DTX1: variants seen among roughly 807,000 people sequenced by gnomAD.
DTX1 encodes the protein deltex E3 ubiquitin ligase 1.
DTX1 carries 26 observed loss-of-function variants against 57.8 expected under a neutral mutation model. The observed-to-expected ratio is 0.45, with a 90% confidence interval of 0.33 to 0.62. The LOEUF (loss-of-function observed/expected upper bound fraction) is 0.62, where lower values mean the gene tolerates loss of function less well. DTX1 is among the 20% of genes least tolerant of loss of function. DTX1 has a pLI of 0.02. For synonymous variants in DTX1, 398 were observed against 394.1 expected, an observed-to-expected ratio of 1.01 and a Z score of -0.12; for missense variants, 704 against 895.3, an observed-to-expected ratio of 0.79 and a Z score of 2.73.
At position 113,057,649 on chromosome 12, in the gene DTX1, C is replaced by G. The variant is rs1029196783; in HGVS notation, c.-544C>G. ...AACAAGGGGGCAGGGACGCCCCCTTCGGCAGGAGCCGTCGGAGAAGGGGGC... is the reference window on the plus strand; with the variant it reads ...AACAAGGGGGCAGGGACGCCCCCTTGGGCAGGAGCCGTCGGAGAAGGGGGC... On this transcript the variant is annotated 5_prime_UTR_variant, in exon 2 of 10. Transcript: ENST00000548759. The G allele has an allele frequency of 6.4e-6, 1 of 155,664 alleles. No individual in the cohort carries two copies. The highest frequency in any genetic ancestry group is 2.4e-5 in the African/African-American group (1 of 41,472). The allele number at this position is 155,664 out of a possible 1,614,324, so 9.6% of individuals were successfully genotyped here. A position where few individuals can be genotyped will look rare whatever the true frequency, so the allele number is the denominator to read the frequency against.
intron 3 of DTX1, among the ~76,000 whole-genome samples, chr12:113,089,582 G>A (rs377153937): frequency 7.4e-4 from 112 of 152,310 alleles, no homozygotes; most frequent in African/African-American, 2.5e-3. Flanking sequence ...AGGAAACAGC[G>A]TGTCCCACAT....
chr12:113,095,346 G>T lies in DTX1; in HGVS notation c.1570G>T (p.Gly524Trp). ...GCAGGGCCCTGAGCACCCCAACCCC[G>T]GGAAGAAGTTCACCGCAAGAGGATT... ...GIQGPEHPNP[G>W]KKFTARGFPR... The change falls in exon 9 of 10, where the codon GGG becomes TGG. Residue 524 changes from glycine to tryptophan, a missense_variant. Coordinates refer to ENST00000548759, the MANE Select transcript of DTX1 (RefSeq NM_004416.3). The T allele has an allele frequency of 6.2e-7, 1 of 1,614,110 alleles. No homozygotes were observed. Among genetic ancestry groups the T allele is most frequent in the Non-Finnish European group, 8.5e-7 (1 of 1,180,026 alleles).
At chr12:113,090,914 A>C (rs993594764) in intron 3 of DTX1, among the ~76,000 whole-genome samples, 1 of 152,178 alleles carries the variant, frequency 6.6e-6, no homozygotes, top group Non-Finnish European at 1.5e-5. Context: ...GTGTGCAGTG[A>C]GTCAGCGTGT....
At chr12:113,092,470 T>C (rs1188245920) in intron 3 of DTX1, among the ~76,000 whole-genome samples, 1 of 152,038 alleles carries the variant, frequency 6.6e-6, no homozygotes, top group Non-Finnish European at 1.5e-5. Context: ...AAGCCAAAGC[T>C]CTTTTGAGGG....
rs1247083344 is a variant in DTX1 at position 113,077,917 on chromosome 12, C to G, written c.753C>G (p.Ala251=). 1 of 1,191,252 alleles carries G rather than the reference C, an allele frequency of 8.4e-7. No homozygotes were observed. The highest frequency in any genetic ancestry group is 1.0e-6 in the Non-Finnish European group (1 of 965,218). 73.8% of individuals were successfully genotyped at this position (1,191,252 alleles called of 1,614,324 possible). The change falls in exon 3 of 10, where the codon GCC becomes GCG. Residue 251 remains alanine (A), a synonymous_variant. Transcript: ENST00000548759. This position sits in a 1 kb window ranked among gnomAD's most constrained non-coding sequence, Gnocchi z 7.8. ...GCGCGCTTGCCGTGCGCCCCAGCGC[C>G]ACCTTCACAGGCGCCGCGCTCTGGG... The part of the protein sequence containing the change: ...PPGALAVRPS[A]TFTGAALWAA...
intron 2 of DTX1, among the ~76,000 whole-genome samples, chr12:113,073,533 C>T (rs1222166347): frequency 6.6e-6 from 1 of 152,174 alleles, no homozygotes; most frequent in Non-Finnish European, 1.5e-5. Flanking sequence ...CCAACCTCTC[C>T]ACCTCTTCAA....
rs1353630847 is a variant in DTX1, at chr12:113,077,946, C to T, written c.782C>T (p.Ala261Val). 1.3e-4 allele frequency: 134 copies of T among 1,025,360 alleles called. No individual in the cohort carries two copies. The highest frequency in any genetic ancestry group is 1.5e-4 in the Non-Finnish European group (132 of 858,228). 63.5% of individuals were successfully genotyped at this position (1,025,360 alleles called of 1,614,324 possible). A position where few individuals can be genotyped will look rare whatever the true frequency, so the allele number is the denominator to read the frequency against. ...TTCACAGGCGCCGCGCTCTGGGCAG[C>T]GCCCGCCGCCGGCCCCGCCGAGCCC... ...ATFTGAALWA[A>V]PAAGPAEPAP... The change falls in exon 3 of 10, where the codon GCG becomes GTG. Residue 261 changes from alanine (A) to valine (V), a missense_variant. This residue lies in a region of DTX1 where 299 missense variants were observed against 311.2 expected (regional missense o/e 0.96). Transcript: ENST00000548759. The surrounding 1 kb of genome is among the most constrained non-coding windows in gnomAD (Gnocchi z 7.8).
At chr12:113,086,263 A>AG (rs2044856472) in intron 3 of DTX1, among the ~76,000 whole-genome samples, 1 of 149,576 alleles carries the variant, frequency 6.7e-6, no homozygotes. Flanking sequence ...TGTATCAAGA[A>AG]AAAAAAAAAA....
chr12:113,058,605 C>T (rs534937768), intron 2 of DTX1, among the ~76,000 whole-genome samples, 154 bp downstream of exon 2: 1 of 152,346 alleles, frequency 6.6e-6, no homozygotes, highest in East Asian at 1.9e-4. Context: ...TAACCTTGTC[C>T]AGTTTAAGAC....
chr12:113,087,034 T>G (rs1306388595), intron 3 of DTX1, among the ~76,000 whole-genome samples: 2 of 142,672 alleles, frequency 1.4e-5, no homozygotes, highest in African/African-American at 2.6e-5. Flanking sequence ...TGCCCTCCCC[T>G]CCCCTACCTG....
chr12:113,074,919 C>G (rs1381055884), intron 2 of DTX1, among the ~76,000 whole-genome samples: 1 of 152,030 alleles, frequency 6.6e-6, no homozygotes, highest in Non-Finnish European at 1.5e-5. Context: ...CCAGGAATTG[C>G]TATGTGAAGA....
Position 113,056,959 on chromosome 12 carries a change from G to C in DTX1, c.-745+15G>C, listed in dbSNP as rs1289306527. ...GAAGAGAGGCGGTGAGAACGCGGGT[G>C]CTTAGGGACCCCACCCCCGGCTCCC... On this transcript the variant is annotated intron_variant, in intron 1 of 9. Transcript: ENST00000548759. The C allele has an allele frequency of 6.6e-6, 1 of 152,462 alleles. No homozygotes were observed. Among genetic ancestry groups the C allele is most frequent in the East Asian group, 1.9e-4 (1 of 5,196 alleles). The allele number at this position is 152,462 out of a possible 1,614,324, so 9.4% of individuals were successfully genotyped here. A position where few individuals can be genotyped will look rare whatever the true frequency, so the allele number is the denominator to read the frequency against.
In DTX1 at chr12:113,094,780, C is replaced by T. The variant is rs1950274206; in HGVS notation, c.1228-9C>T. On this transcript the variant is annotated splice_polypyrimidine_tract_variant and intron_variant, in intron 6 of 9. Coordinates refer to ENST00000548759, the MANE Select transcript of DTX1 (RefSeq NM_004416.3). ...CCCAGTCCTCAGTCTCCCCTGCTGCCACCTGCAGGACTGCACCATCTGCAT... is the reference window on the plus strand; with the variant it reads ...CCCAGTCCTCAGTCTCCCCTGCTGCTACCTGCAGGACTGCACCATCTGCAT... The T allele has an allele frequency of 1.9e-6, 3 of 1,611,170 alleles. No individual in the cohort carries two copies. The highest frequency in any genetic ancestry group is 1.7e-6 in the Non-Finnish European group (2 of 1,178,088).
Position 113,094,112 on chromosome 12 carries a change from T to TGGGGGGGGGAG in DTX1, c.1227+20_1227+21insGGAGGGGGGGG. 4.4e-6 allele frequency: 2 copies of TGGGGGGGGGAG among 454,790 alleles called. No individual in the cohort carries two copies. Among genetic ancestry groups the TGGGGGGGGGAG allele is most frequent in the East Asian group, 4.9e-5 (1 of 20,284 alleles). The allele number at this position is 454,790 out of a possible 1,614,324, so 28.2% of individuals were successfully genotyped here. On this transcript the variant is annotated intron_variant, in intron 6 of 9. Transcript: ENST00000548759. ...CCCACCTGATGAGGTGAGGAGGGGA[T>TGGGGGGGGGAG]GGGGGGGCTGGGGGAGGGCCCTGGC...
intron 3 of DTX1, among the ~76,000 whole-genome samples, chr12:113,082,369 C>T (rs2044825168): frequency 6.6e-6 from 1 of 152,188 alleles, no homozygotes. Context: ...GAGCCTGTTG[C>T]TGGGGAAGGG....
At chr12:113,088,195 G>C (rs769058803) in intron 3 of DTX1, among the ~76,000 whole-genome samples, 2 of 152,250 alleles carry the variant, frequency 1.3e-5, no homozygotes, top group East Asian at 3.9e-4. Context: ...CCCTTCTCTG[G>C]GCTTCAGTCC....
Position 113,070,383 on chromosome 12 carries a change from G to A in DTX1, c.260-7041G>A, listed in dbSNP as rs576884048. Among the ~76,000 whole-genome samples, 3 of 152,238 alleles carry A rather than the reference G, an allele frequency of 2.0e-5. No homozygotes were observed. The South Asian group carries it at 6.2e-4, about 32-fold the overall frequency. The stretch of plus-strand genomic sequence containing the variant: ...AGGATGTCCCATGACCGCCTCCCAC[G>A]TGCCCCCTTCCCGTCAGGGTCTGGG... On this transcript the variant is annotated intron_variant, in intron 2 of 9. Coordinates refer to ENST00000548759, the MANE Select transcript of DTX1 (RefSeq NM_004416.3).
intron 2 of DTX1, among the ~76,000 whole-genome samples, chr12:113,059,005 G>T (rs60200260): frequency 0.076 from 11,514 of 152,090 alleles, 1,463 homozygotes; most frequent in African/African-American, 0.26. Flanking sequence ...ATCCTATACT[G>T]GCTCCAAGTG....
intron 2 of DTX1, among the ~76,000 whole-genome samples, chr12:113,062,068 C>CAT (rs1311885896): frequency 2.1e-4 from 31 of 151,052 alleles, no homozygotes; most frequent in African/African-American, 5.6e-4. Context: ...CACACACACA[C>CAT]ACTCCAACAT....
Sources: gnomAD v4.1 joint callset for allele counts (sites outside exome capture counted in the v4.1 genomes callset) on GRCh38, gnomAD v4.1.1 for gene constraint, gnomAD v4.1.1 regional missense constraint, Gnocchi (gnomAD v3.1) non-coding constraint, MANE v1.5 for transcripts, NCBI Gene and HGNC (gene_info 2026-07-23, HGNC 2026-07-21) for gene names.